SEMA5A: variants seen among roughly 807,000 people sequenced by gnomAD.
The protein encoded by SEMA5A is semaphorin-5A.
In SEMA5A, 55 loss-of-function variants were observed where a neutral mutation model predicts 135.5. The observed-to-expected ratio is 0.41, with a 90% CI of 0.33 to 0.51. SEMA5A has a LOEUF of 0.51. SEMA5A is among the 20% of genes least tolerant of loss of function. The pLI, the probability that SEMA5A is intolerant of heterozygous loss-of-function variation, is 0.37. For missense variants in SEMA5A, 1,290 were observed against 1,419.9 expected, an observed-to-expected ratio of 0.91 and a Z score of 1.47; for synonymous variants, 580 against 546.5, an observed-to-expected ratio of 1.06 and a Z score of -0.85.
chr5:9,455,230 A>ATTTAT (rs1168953132), intron 1 of SEMA5A, among the ~76,000 whole-genome samples: 14 of 151,246 alleles, frequency 9.3e-5, no homozygotes, highest in East Asian at 1.9e-4. Context: ...TTGCAGTTTA[A>ATTTAT]TTTATTTTAT....
Position 9,044,561 on chromosome 5 carries a change from CGATCATGTG to C in SEMA5A, c.2908_2916del (p.His970_Ile972del). ...AGGATGGAGCTGCTCAGCCCCACGG[CGATCATGTG>C]GAACATGTTGAACTCTAGGGAGACA... On this transcript the variant is annotated inframe_deletion, in exon 22 of 23. Transcript: ENST00000382496. The C allele has an allele frequency of 6.2e-7, 1 of 1,613,842 alleles. No homozygotes were observed. Among genetic ancestry groups the C allele is most frequent in the Non-Finnish European group, 8.5e-7 (1 of 1,179,990 alleles).
intron 8 of SEMA5A, among the ~76,000 whole-genome samples, chr5:9,208,701 A>C (rs559471914): frequency 6.6e-6 from 1 of 152,320 alleles, no homozygotes; most frequent in South Asian, 2.1e-4. Context: ...AGAGATCAAC[A>C]GGACGGGAGG....
chr5:9,531,123 G>C (rs1737409006), intron 1 of SEMA5A, among the ~76,000 whole-genome samples: 2 of 152,172 alleles, frequency 1.3e-5, no homozygotes, highest in Admixed American at 1.3e-4. Flanking sequence ...TTGCGTGGGA[G>C]TCCTTGTGAG....
chr5:9,308,635 G>A (rs1006085036), intron 5 of SEMA5A, among the ~76,000 whole-genome samples: 2 of 152,058 alleles, frequency 1.3e-5, no homozygotes, highest in East Asian at 1.9e-4. Flanking sequence ...TATATTCACT[G>A]TAAGCCAGAT....
intron 11 of SEMA5A, among the ~76,000 whole-genome samples, chr5:9,165,111 C>G (rs1743532317): frequency 6.6e-6 from 1 of 152,052 alleles, no homozygotes; most frequent in African/African-American, 2.4e-5. Context: ...GCTGAGACAC[C>G]TGGGAACACT....
intron 5 of SEMA5A, among the ~76,000 whole-genome samples, chr5:9,295,782 T>A (rs1288467731): frequency 6.6e-6 from 1 of 152,188 alleles, no homozygotes; most frequent in Non-Finnish European, 1.5e-5. Flanking sequence ...AAGCTGGATA[T>A]AAAATAATAA....
At chr5:9,495,809 C>T (rs1464362858) in intron 1 of SEMA5A, among the ~76,000 whole-genome samples, 1 of 152,200 alleles carries the variant, frequency 6.6e-6, no homozygotes, top group Non-Finnish European at 1.5e-5. Context: ...TCCAGTTTAG[C>T]AATTTGTCCC....
intron 19 of SEMA5A, among the ~76,000 whole-genome samples, chr5:9,053,301 C>T (rs1439307401): frequency 2.6e-5 from 4 of 152,200 alleles, no homozygotes; most frequent in Non-Finnish European, 5.9e-5. Context: ...GTGCACTTCA[C>T]AGCGGTGCTC....
chr5:9,243,707 TAAG>T (rs1748331135), intron 5 of SEMA5A, among the ~76,000 whole-genome samples: 1 of 152,160 alleles, frequency 6.6e-6, no homozygotes, highest in South Asian at 2.1e-4. Flanking sequence ...ACTATTATAA[TAAG>T]ATTTTGGATG....
intron 2 of SEMA5A, among the ~76,000 whole-genome samples, chr5:9,403,961 G>A (rs1206279691): frequency 6.6e-6 from 1 of 152,156 alleles, no homozygotes; most frequent in Non-Finnish European, 1.5e-5. Context: ...TTGAGATGAA[G>A]TCTCGCTCTG....
chr5:9,148,864 C>G (rs949605390), intron 12 of SEMA5A, among the ~76,000 whole-genome samples: 1 of 152,106 alleles, frequency 6.6e-6, no homozygotes, highest in South Asian at 2.1e-4. Context: ...TGATTTCAGG[C>G]ATGCGCTACC....
chr5:9,165,322 G>A lies in SEMA5A; in HGVS notation c.1274-10627C>T, dbSNP rs566035388. Among the ~76,000 whole-genome samples the A allele has an allele frequency of 5.9e-5, 9 of 152,240 alleles. No homozygotes were observed. In the Middle Eastern group the frequency reaches 0.014, roughly 230 times the overall value. On this transcript the variant is annotated intron_variant, in intron 11 of 22. Transcript: ENST00000382496. ...GTCCTACCCACAAAGAAAAGGAAAC[G>A]AATTGAGGAAAATGTGATATAAAAA...
chr5:9,431,169 AG>A (rs1757844090), intron 2 of SEMA5A, among the ~76,000 whole-genome samples: 1 of 152,176 alleles, frequency 6.6e-6, no homozygotes, highest in Non-Finnish European at 1.5e-5. Context: ...CACTGTAGTA[AG>A]GAGGTGGCCT....
chr5:9,160,137 A>G (rs914861308), intron 11 of SEMA5A, among the ~76,000 whole-genome samples: 26 of 152,156 alleles, frequency 1.7e-4, no homozygotes, highest in African/African-American at 6.3e-4. Context: ...CTATGTAACA[A>G]ATCTGCACAT....
intron 3 of SEMA5A, chr5:9,367,354 G>A (rs1402981695): frequency 6.6e-6 from 1 of 152,096 alleles, no homozygotes; most frequent in Non-Finnish European, 1.5e-5. Flanking sequence ...GTAGGAACAG[G>A]AAGAAAGGAA....
At chr5:9,278,238 G>C (rs922850796) in intron 5 of SEMA5A, among the ~76,000 whole-genome samples, 2 of 152,106 alleles carry the variant, frequency 1.3e-5, no homozygotes, top group Non-Finnish European at 2.9e-5. Flanking sequence ...TTTTGTTCCT[G>C]CCCTAGAGAT....
chr5:9,311,104 G>A (rs112374362), intron 5 of SEMA5A, among the ~76,000 whole-genome samples: 2 of 151,090 alleles, frequency 1.3e-5, no homozygotes, highest in Non-Finnish European at 2.9e-5. Context: ...GTTTCTCAAC[G>A]TTGGCACTGT....
At chr5:9,113,596 A>G (rs1234809714) in intron 15 of SEMA5A, among the ~76,000 whole-genome samples, 1 of 152,240 alleles carries the variant, frequency 6.6e-6, no homozygotes, top group Admixed American at 6.5e-5. Context: ...AAAATAAATT[A>G]GTTATTGAAA....
At chr5:9,182,760 A>G (rs1019782606) in intron 11 of SEMA5A, among the ~76,000 whole-genome samples, 5 of 151,602 alleles carry the variant, frequency 3.3e-5, no homozygotes, top group African/African-American at 4.9e-5. Context: ...GTAGCAATAC[A>G]GTACTGTTGG....
Sources: allele counts gnomAD v4.1 joint callset (sites outside exome capture counted in the v4.1 genomes callset), GRCh38; gene constraint gnomAD v4.1.1; transcripts MANE v1.5; gene names NCBI Gene and HGNC (gene_info 2026-07-23, HGNC 2026-07-21).